ADGRL3: variants seen among roughly 807,000 people sequenced by gnomAD.
The protein encoded by ADGRL3 is adhesion G protein-coupled receptor L3.
Under a neutral mutation model 153.5 loss-of-function variants are expected in ADGRL3, and 62 were observed. The observed-to-expected ratio is 0.40, with a 90% CI of 0.33 to 0.50. The LOEUF (loss-of-function observed/expected upper bound fraction) is 0.50, where lower values mean the gene tolerates loss of function less well. ADGRL3 is among the 20% of genes least tolerant of loss of function. ADGRL3 has a pLI of 0.47. For synonymous variants in ADGRL3, 710 were observed against 672.5 expected, an observed-to-expected ratio of 1.06 and a Z score of -0.86; for missense variants, 1,641 against 1,859.4, an observed-to-expected ratio of 0.88 and a Z score of 2.16.
intron 5 of ADGRL3, among the ~76,000 whole-genome samples, chr4:61,603,401 A>T (rs950291881): frequency 1.3e-5 from 2 of 152,184 alleles, no homozygotes; most frequent in African/African-American, 4.8e-5. Flanking sequence ...AATGCCTCTT[A>T]AACAATCCAG....
intron 5 of ADGRL3, among the ~76,000 whole-genome samples, chr4:61,650,249 A>T (rs2094196715): frequency 6.6e-6 from 1 of 152,180 alleles, no homozygotes; most frequent in African/African-American, 2.4e-5. Context: ...TTAATAAAAT[A>T]AAATCCTATT....
At chr4:61,537,950 A>G (rs1161568874) in intron 4 of ADGRL3, among the ~76,000 whole-genome samples, 1 of 151,962 alleles carries the variant, frequency 6.6e-6, no homozygotes, top group East Asian at 1.9e-4. Context: ...ATTTTTTTAA[A>G]TTCTTCATCT....
chr4:61,897,444 C>T (rs184211188), intron 11 of ADGRL3, among the ~76,000 whole-genome samples: 1 of 152,278 alleles, frequency 6.6e-6, no homozygotes, highest in African/African-American at 2.4e-5. Flanking sequence ...TTCATCAAGA[C>T]ATCATACTTA....
chr4:61,546,169 A>G lies in ADGRL3; in HGVS notation c.259+28651A>G, dbSNP rs528410409. ...AACATTTTAAGACACAAATTGAGTCATATCTCTCTCCGGATTTCAACTCTC... is the reference window on the plus strand; with the variant it reads ...AACATTTTAAGACACAAATTGAGTCGTATCTCTCTCCGGATTTCAACTCTC... On this transcript the variant is annotated intron_variant, in intron 4 of 26. Transcript: ENST00000683033. Among the ~76,000 whole-genome samples the G allele has an allele frequency of 1.2e-3, 178 of 152,290 alleles. 2 individuals are homozygous for G. Among genetic ancestry groups the G allele is most frequent in the Non-Finnish European group, 2.4e-4 (16 of 68,020 alleles).
At chr4:62,026,172 T>A (rs1336681190) in intron 21 of ADGRL3, among the ~76,000 whole-genome samples, 1 of 152,138 alleles carries the variant, frequency 6.6e-6, no homozygotes, top group Non-Finnish European at 1.5e-5. Context: ...CGTAAAAAAA[T>A]TCTAAAATAT....
At chr4:61,555,894 G>T (rs1351601756) in intron 4 of ADGRL3, among the ~76,000 whole-genome samples, 1 of 152,190 alleles carries the variant, frequency 6.6e-6, no homozygotes, top group African/African-American at 2.4e-5. Context: ...AGGACAACCA[G>T]AGGTCACTCT....
rs188225246 is a variant in ADGRL3, at chr4:61,904,625, A to T, written c.1888-4935A>T. On this transcript the variant is annotated intron_variant, in intron 11 of 26. Coordinates refer to ENST00000683033, the MANE Select transcript of ADGRL3 (RefSeq NM_001387552.1). ...CTTCTTTTCCACCTTTTCGTTTCCC[A>T]CTCCAATAATACAATAATTAATATT... 6.8e-3 allele frequency among the ~76,000 whole-genome samples: 1,037 copies of T among 151,562 alleles called. 10 individuals carry two copies. The highest frequency in any genetic ancestry group is 0.024 in the African/African-American group (994 of 41,300).
At chr4:61,671,555 G>T (rs1404004979) in intron 5 of ADGRL3, among the ~76,000 whole-genome samples, 1 of 152,120 alleles carries the variant, frequency 6.6e-6, no homozygotes, top group African/African-American at 2.4e-5. Flanking sequence ...TTGCAGAAAA[G>T]TCTATATATA....
chr4:61,570,628 G>T (rs764799064), intron 4 of ADGRL3, among the ~76,000 whole-genome samples: 1 of 152,148 alleles, frequency 6.6e-6, no homozygotes, highest in Non-Finnish European at 1.5e-5. Context: ...CTAATGGACA[G>T]TATGAATTTG....
chr4:61,790,263 C>T (rs1426951082), intron 8 of ADGRL3, among the ~76,000 whole-genome samples: 2 of 152,154 alleles, frequency 1.3e-5, no homozygotes, highest in African/African-American at 4.8e-5. Context: ...AATATATGTT[C>T]ATTTTAAACA....
intron 2 of ADGRL3, among the ~76,000 whole-genome samples, chr4:61,457,893 G>GATAGATAGAT (rs2152561480): frequency 6.6e-6 from 1 of 151,676 alleles, no homozygotes; most frequent in African/African-American, 2.4e-5. Context: ...TAGATAGATA[G>GATAGATAGAT]ATAGATAGAT....
At chr4:61,421,350 CA>C (rs200559058) in intron 2 of ADGRL3, among the ~76,000 whole-genome samples, 21 of 143,072 alleles carry the variant, frequency 1.5e-4, no homozygotes, top group East Asian at 4.0e-4. Context: ...ACAAACAAAC[CA>C]AAAAAAAAAA....
intron 25 of ADGRL3, among the ~76,000 whole-genome samples, chr4:62,065,383 A>G (rs1297554848): frequency 3.9e-5 from 6 of 152,090 alleles, no homozygotes; most frequent in African/African-American, 1.4e-4. Flanking sequence ...ATTGTACATT[A>G]CACAATTCAT....
chr4:61,512,700 G>C lies in ADGRL3; in HGVS notation c.56-4615G>C, dbSNP rs185432857. On this transcript the variant is annotated intron_variant, in intron 3 of 26. Coordinates refer to ENST00000683033, the MANE Select transcript of ADGRL3 (RefSeq NM_001387552.1). Reference sequence around the variant, plus strand: ...AAATGTGATTATCATTTTATATAGAGATAGAGAACTGTTTGGTAAAATTAT... The same window carrying C: ...AAATGTGATTATCATTTTATATAGACATAGAGAACTGTTTGGTAAAATTAT... Among the ~76,000 whole-genome samples, 341 of 152,186 alleles carry C rather than the reference G, an allele frequency of 2.2e-3. 3 individuals carry two copies. Among genetic ancestry groups the C allele is most frequent in the Non-Finnish European group, 2.9e-3 (198 of 67,972 alleles).
chr4:61,410,241 A>G (rs1328519032), intron 2 of ADGRL3, among the ~76,000 whole-genome samples: 1 of 152,052 alleles, frequency 6.6e-6, no homozygotes, highest in Admixed American at 6.6e-5. Flanking sequence ...ATACAACAGG[A>G]TTTTTTCTTT....
chr4:61,987,640 A>G (rs970771480), intron 19 of ADGRL3, among the ~76,000 whole-genome samples: 1 of 152,190 alleles, frequency 6.6e-6, no homozygotes, highest in African/African-American at 2.4e-5. Context: ...CCTATAATAA[A>G]GTGTAGTTAG....
chr4:62,028,773 A>T, intron 21 of ADGRL3, 82 bp from the exon 22 acceptor site: 1 of 1,152,872 alleles, frequency 8.7e-7, no homozygotes, highest in Non-Finnish European at 1.3e-6. Flanking sequence ...TTTGGGGACC[A>T]GGAGAATATT....
At chr4:61,654,618 G>T (rs148721763) in intron 5 of ADGRL3, among the ~76,000 whole-genome samples, 2 of 152,046 alleles carry the variant, frequency 1.3e-5, no homozygotes, top group African/African-American at 4.8e-5. Flanking sequence ...AAGAAACTAG[G>T]CTGGGTGTGG....
chr4:61,383,448 T>C (rs2151920057), intron 2 of ADGRL3, among the ~76,000 whole-genome samples: 1 of 151,850 alleles, frequency 6.6e-6, no homozygotes, highest in East Asian at 1.9e-4. Context: ...GGAAATATAC[T>C]CCAGTTATAT....
Sources: allele counts gnomAD v4.1 joint callset (sites outside exome capture counted in the v4.1 genomes callset), GRCh38; gene constraint gnomAD v4.1.1; transcripts MANE v1.5; gene names NCBI Gene and HGNC (gene_info 2026-07-23, HGNC 2026-07-21).